Variants in VPS13C observed in about 807,000 individuals in gnomAD.
The protein encoded by VPS13C is vacuolar protein sorting 13 homolog C, also known as intermembrane lipid transfer protein VPS13C.
In VPS13C, 358 loss-of-function variants were observed where a neutral mutation model predicts 456.8. That is an observed-to-expected ratio of 0.78 (90% CI 0.72 to 0.86). VPS13C has a LOEUF of 0.86. VPS13C is among the 40% of genes least tolerant of loss of function. The pLI is 0.00. For synonymous variants in VPS13C, 1,578 were observed against 1,486.7 expected, an observed-to-expected ratio of 1.06 and a Z score of -1.41; for missense variants, 4,818 against 4,385.4, an observed-to-expected ratio of 1.10 and a Z score of -2.79.
intron 9 of VPS13C, among the ~76,000 whole-genome samples, chr15:62,015,980 A>G (rs924359699): frequency 6.8e-6 from 1 of 147,792 alleles, no homozygotes; most frequent in Admixed American, 6.7e-5. Context: ...AAAAAAAAAA[A>G]AAAACTAGTT....
At position 61,977,122 on chromosome 15, in the gene VPS13C, A is replaced by G. The variant is rs1264186786; in HGVS notation, c.2368T>C (p.Leu790=). 2.5e-6 allele frequency: 4 copies of G among 1,601,114 alleles called. No individual in the cohort carries two copies. The highest frequency in any genetic ancestry group is 1.7e-5 in the Admixed American group (1 of 57,934). ...TCTTTTTCTACCATGGCCTTAGCCA[A>G]CTCAACATGAATATCCATGGGTTGC... ...ILQPMDIHVE[L]AKAMVEKDIR... is the part of the protein sequence containing the mutation. The change falls in exon 24 of 85, where the codon TTG becomes CTG. Residue 790 remains leucine, a synonymous_variant. Coordinates refer to ENST00000644861, the MANE Select transcript of VPS13C (RefSeq NM_020821.3).
chr15:61,913,916 T>C (rs1391053327), intron 61 of VPS13C, among the ~76,000 whole-genome samples: 1 of 152,000 alleles, frequency 6.6e-6, no homozygotes, highest in Admixed American at 6.6e-5. Context: ...AGGAAATACA[T>C]ACGAAAAATT....
chr15:61,997,543 C>T (rs927308054), intron 16 of VPS13C, among the ~76,000 whole-genome samples: 1 of 152,150 alleles, frequency 6.6e-6, no homozygotes, highest in East Asian at 1.9e-4. Flanking sequence ...AGGTCCCAAA[C>T]TGAACTCCTG....
At chr15:61,932,324 T>G (rs1461505763) in intron 49 of VPS13C, among the ~76,000 whole-genome samples, 1 of 151,988 alleles carries the variant, frequency 6.6e-6, no homozygotes, top group African/African-American at 2.4e-5. Context: ...TCAAGATGCT[T>G]TAGGACATAG....
intron 16 of VPS13C, among the ~76,000 whole-genome samples, chr15:61,995,614 G>A (rs1412495941): frequency 1.3e-5 from 2 of 152,146 alleles, no homozygotes; most frequent in Non-Finnish European, 2.9e-5. Context: ...AGCCCATTAG[G>A]CAAGGAACTG....
At chr15:62,002,858 T>C (rs923399599) in intron 15 of VPS13C, among the ~76,000 whole-genome samples, 4 of 152,202 alleles carry the variant, frequency 2.6e-5, no homozygotes, top group African/African-American at 7.2e-5. Flanking sequence ...CTGAGGGCTC[T>C]GTTCTGTTCC....
At chr15:62,005,823 C>G (rs901868226) in intron 15 of VPS13C, among the ~76,000 whole-genome samples, 30 of 152,004 alleles carry the variant, frequency 2.0e-4, no homozygotes, top group Non-Finnish European at 4.1e-4. Context: ...CTGCCTCAGC[C>G]TCCCGAGTAA....
At chr15:61,879,074 C>A (rs1488260784) in intron 73 of VPS13C, among the ~76,000 whole-genome samples, 6 of 152,044 alleles carry the variant, frequency 3.9e-5, no homozygotes, top group Non-Finnish European at 7.4e-5. Flanking sequence ...TAAACTGGCA[C>A]ACAAGTAATC....
chr15:61,969,548 A>T, intron 27 of VPS13C, 96 bp from the exon 28 acceptor site: 1 of 752,882 alleles, frequency 1.3e-6, no homozygotes, highest in Non-Finnish European at 1.9e-6. Context: ...TCACCATGAG[A>T]ATAGTAACTT....
chr15:61,943,056 A>C (rs1356334326), intron 45 of VPS13C, among the ~76,000 whole-genome samples: 1 of 152,154 alleles, frequency 6.6e-6, no homozygotes, highest in Non-Finnish European at 1.5e-5. Context: ...AAATACATCT[A>C]ACCAAGGAGG....
At position 62,013,130 on chromosome 15, in the gene VPS13C, A is replaced by C; in HGVS notation, c.745-11T>G. ...ATCAAGTCGTATAAGCTATAAGAGA[A>C]AAATGAAAGAGATCAGGCAATCAAC... is the stretch of plus-strand genomic sequence containing the variant. On this transcript the variant is annotated splice_polypyrimidine_tract_variant and intron_variant, in intron 10 of 84. Coordinates refer to ENST00000644861, the MANE Select transcript of VPS13C (RefSeq NM_020821.3). 1 of 1,585,014 alleles carries C rather than the reference A, an allele frequency of 6.3e-7. No homozygotes were observed.
intron 23 of VPS13C, among the ~76,000 whole-genome samples, chr15:61,977,909 T>C (rs2045753490): frequency 6.6e-6 from 1 of 152,060 alleles, no homozygotes; most frequent in African/African-American, 2.4e-5. Flanking sequence ...TATTTACGTT[T>C]TAATAAATCT....
At chr15:61,856,549 CA>C (rs1893916943) in intron 82 of VPS13C, 140 bp from the exon 83 acceptor site, 1 of 941,674 alleles carries the variant, frequency 1.1e-6, no homozygotes, top group African/African-American at 1.7e-5. Flanking sequence ...AAACCTGCTT[CA>C]TTTTTTTTAA....
chr15:61,944,047 A>G (rs1261137185), intron 45 of VPS13C, among the ~76,000 whole-genome samples: 1 of 152,214 alleles, frequency 6.6e-6, no homozygotes, highest in Non-Finnish European at 1.5e-5. Flanking sequence ...AATGTTCCAC[A>G]TCACTAACAA....
In VPS13C at chr15:62,031,922, CTA is replaced by C. The variant is rs1359042050; in HGVS notation, c.385+1517_385+1518del. On this transcript the variant is annotated intron_variant, in intron 5 of 84. Transcript: ENST00000644861. ...CTGTCAATCACGAAAACAAATGAGACTATATACCACGACTTTTCTTACAGGTG... is the reference window on the plus strand; with the variant it reads ...CTGTCAATCACGAAAACAAATGAGACTATACCACGACTTTTCTTACAGGTG... Among the ~76,000 whole-genome samples, 11 of 151,866 alleles carry C rather than the reference CTA, an allele frequency of 7.2e-5. No homozygotes were observed. The East Asian group carries it at 1.9e-3, about 27-fold the overall frequency.
Position 61,967,417 on chromosome 15 carries a change from C to T in VPS13C, c.2942G>A (p.Ser981Asn), listed in dbSNP as rs1207364611. 6.2e-7 allele frequency: 1 copy of T among 1,604,190 alleles called. No homozygotes were observed. Among genetic ancestry groups the T allele is most frequent in the East Asian group, 2.3e-5 (1 of 44,186 alleles). ...ATCTAATCCAGGTTTGTCAGAAGAGCTAATCAAGTGAAGGGGCTTCCTTTT... is the reference window on the plus strand; with the variant it reads ...ATCTAATCCAGGTTTGTCAGAAGAGTTAATCAAGTGAAGGGGCTTCCTTTT... Reference protein sequence around the residue: ...GSKRKPLHLISSSDKPGLDLL... With the variant: ...GSKRKPLHLINSSDKPGLDLL... Residue 981 changes from serine to asparagine, a missense_variant, in exon 29 of 85, where the codon AGC becomes AAC. Physicochemically the swap from Ser to Asn is conservative, Grantham distance 46 (BLOSUM62 1). This residue lies in a region of VPS13C where 4,552 missense variants were observed against 4,130.6 expected (regional missense o/e 1.10). Coordinates refer to ENST00000644861, the MANE Select transcript of VPS13C (RefSeq NM_020821.3).
intron 2 of VPS13C, among the ~76,000 whole-genome samples, chr15:62,042,198 C>A (rs2048265473): frequency 6.6e-6 from 1 of 152,078 alleles, no homozygotes; most frequent in Non-Finnish European, 1.5e-5. Flanking sequence ...GAGGTGCCAA[C>A]AAATAATAAT....
intron 18 of VPS13C, among the ~76,000 whole-genome samples, chr15:61,987,597 G>A (rs1048212264): frequency 2.6e-5 from 4 of 152,094 alleles, no homozygotes; most frequent in Non-Finnish European, 5.9e-5. Context: ...GGATTATGGG[G>A]ATTACAATTC....
In VPS13C at chr15:61,931,232, T is replaced by C. The variant is rs753003571; in HGVS notation, c.5896A>G (p.Ser1966Gly). The change falls in exon 50 of 85, where the codon AGT becomes GGT. Residue 1966 changes from serine to glycine, a missense_variant. This residue lies in a region of VPS13C where 4,552 missense variants were observed against 4,130.6 expected (regional missense o/e 1.10). Transcript: ENST00000644861. Reference protein sequence around the residue: ...QESGVAFHNDSFQLGELRLHL... With the variant: ...QESGVAFHNDGFQLGELRLHL... Reference sequence around the variant, plus strand: ...AGTCTGAGTTCACCAAGTTGGAAACTGTCATTATGAAATGCAACTCCAGAT... The same window carrying C: ...AGTCTGAGTTCACCAAGTTGGAAACCGTCATTATGAAATGCAACTCCAGAT... The C allele has an allele frequency of 1.2e-6, 2 of 1,613,866 alleles. No individual in the cohort carries two copies. Among genetic ancestry groups the C allele is most frequent in the Admixed American group, 1.7e-5 (1 of 59,982 alleles).
Sources: gnomAD v4.1 joint callset for allele counts (sites outside exome capture counted in the v4.1 genomes callset) on GRCh38, gnomAD v4.1.1 for gene constraint, gnomAD v4.1.1 regional missense constraint, MANE v1.5 for transcripts, NCBI Gene and HGNC (gene_info 2026-07-23, HGNC 2026-07-21) for gene names.